SANBR: variants seen among roughly 807,000 people sequenced by gnomAD.
The protein encoded by SANBR is SANT and BTB domain regulator of class switch recombination.
A neutral mutation model predicts 101.8 loss-of-function variants in SANBR; 77 were observed. The ratio of observed to expected loss-of-function variants is 0.76; its 90% CI spans 0.63 to 0.91. SANBR has a LOEUF of 0.91. Among genes scored for constraint, SANBR ranks in the 40% least tolerant of loss-of-function variants. SANBR has a pLI of 0.00. For synonymous variants in SANBR, 279 were observed against 274.7 expected, an observed-to-expected ratio of 1.02 and a Z score of -0.15; for missense variants, 875 against 853.0, an observed-to-expected ratio of 1.03 and a Z score of -0.32.
chr2:61,109,175 A>G, intron 15 of SANBR, 22 bp from the exon 16 acceptor site: 1 of 1,191,330 alleles, frequency 8.4e-7, no homozygotes, highest in Non-Finnish European at 1.2e-6. Context: ...TTACATTTAT[A>G]ATAGATTTTT....
chr2:61,070,457 G>C lies in SANBR; in HGVS notation c.107G>C (p.Trp36Ser), dbSNP rs1681401209. ...PLIGIPQTIN[W>S]ETIARLVPGL... ...ATTGGAATCCCTCAGACTATCAACT[G>C]GGAAACTATAGCAAGGCTCGTGCCT... is the stretch of plus-strand genomic sequence containing the variant. Residue 36 changes from tryptophan to serine, a missense_variant, in exon 3 of 22, where the codon TGG (tryptophan) becomes TCG (serine). Coordinates refer to ENST00000402291, the MANE Select transcript of SANBR (RefSeq NM_001129993.3). 6.2e-7 allele frequency: 1 copy of C among 1,601,516 alleles called. No homozygotes were observed. Among genetic ancestry groups the C allele is most frequent in the African/African-American group, 1.4e-5 (1 of 73,928 alleles).
intron 19 of SANBR, 56 bp from the exon 20 acceptor site, chr2:61,117,971 TA>T (rs1295385752): frequency 3.0e-6 from 4 of 1,315,214 alleles, no homozygotes; most frequent in Middle Eastern, 1.9e-4. Flanking sequence ...TTTTGAGAAA[TA>T]AAAAGTTATA....
chr2:61,109,011 G>A (rs1228828763), intron 15 of SANBR, among the ~76,000 whole-genome samples, 186 bp from the exon 16 acceptor site: 2 of 152,090 alleles, frequency 1.3e-5, no homozygotes, highest in Non-Finnish European at 2.9e-5. Context: ...AATATATGAA[G>A]TAATGTAAGC....
chr2:61,131,087 C>G (rs895536206), intron 20 of SANBR, among the ~76,000 whole-genome samples: 2 of 152,020 alleles, frequency 1.3e-5, no homozygotes, highest in Admixed American at 1.3e-4. Context: ...AAAAACCCCA[C>G]AGCTAACATT....
intron 10 of SANBR, 123 bp downstream of exon 10, chr2:61,088,591 C>T: frequency 3.6e-6 from 2 of 562,248 alleles, no homozygotes; most frequent in Non-Finnish European, 5.7e-6. Flanking sequence ...GTGGTCTTGG[C>T]TGACTGCAAC....
chr2:61,067,517 C>T (rs890149590), intron 1 of SANBR, among the ~76,000 whole-genome samples: 2 of 152,164 alleles, frequency 1.3e-5, no homozygotes, highest in African/African-American at 2.4e-5. Flanking sequence ...ACGGGCGGAT[C>T]ACGAGGTCAG....
At chr2:61,107,569 A>G (rs1200936269) in intron 14 of SANBR, among the ~76,000 whole-genome samples, 1 of 152,206 alleles carries the variant, frequency 6.6e-6, no homozygotes, top group Non-Finnish European at 1.5e-5. Context: ...AAAGTGAAAT[A>G]TTCCCTGTGA....
chr2:61,069,935 G>A (rs940645352), intron 2 of SANBR, among the ~76,000 whole-genome samples: 29 of 152,144 alleles, frequency 1.9e-4, no homozygotes, highest in African/African-American at 6.5e-4. Flanking sequence ...CGTCTTGTGT[G>A]GAATGGAAAG....
rs1684373479 is a variant in SANBR at position 61,122,488 on chromosome 2, A to G, written c.*326A>G. 2.9e-6 allele frequency: 3 copies of G among 1,043,784 alleles called. No individual in the cohort carries two copies. Among genetic ancestry groups the G allele is most frequent in the Non-Finnish European group, 3.5e-6 (3 of 868,506 alleles). The allele number at this position is 1,043,784 out of a possible 1,614,324, so 64.7% of individuals were successfully genotyped here. On this transcript the variant is annotated 3_prime_UTR_variant, in exon 22 of 22. Transcript: ENST00000402291. ...AAAGGCCTAAACTGTCAGGTAGCCA[A>G]GTTTTTTTAAGACCTTAAAAGTTAG...
chr2:61,121,076 T>TA, intron 20 of SANBR, 109 bp from the exon 21 acceptor site: 1 of 821,046 alleles, frequency 1.2e-6, no homozygotes, highest in Non-Finnish European at 1.9e-6. Context: ...AGACTGGATT[T>TA]AAAAAATCAA....
At chr2:61,081,667 G>C (rs1682136304) in intron 7 of SANBR, among the ~76,000 whole-genome samples, 157 bp downstream of exon 7, 2 of 151,778 alleles carry the variant, frequency 1.3e-5, no homozygotes, top group South Asian at 2.1e-4. Flanking sequence ...TCTTTTTCTT[G>C]AGACAGAGTC....
rs1011382535 is a variant in SANBR at position 61,103,991 on chromosome 2, A to G, written c.1504A>G (p.Thr502Ala). The G allele has an allele frequency of 1.2e-6, 2 of 1,613,950 alleles. No homozygotes were observed. Among genetic ancestry groups the G allele is most frequent in the African/African-American group, 2.7e-5 (2 of 74,926 alleles). The change falls in exon 13 of 22, where the codon ACA (threonine) becomes GCA (alanine). Residue 502 changes from threonine to alanine, a missense_variant. Physicochemically the swap from Thr to Ala is moderately conservative, Grantham distance 58. Coordinates refer to ENST00000402291, the MANE Select transcript of SANBR (RefSeq NM_001129993.3). The stretch of plus-strand genomic sequence containing the variant: ...CATTGTTGTGCCTTTTTCAAAAGAT[A>G]CAGTTAGGTGAGGGGTGGAAAAACC... ...DVIVVPFSKD[T>A]VSDVGVGLCD...
At chr2:61,112,432 C>CT (rs895310642) in intron 16 of SANBR, among the ~76,000 whole-genome samples, 2 of 151,664 alleles carry the variant, frequency 1.3e-5, no homozygotes, top group African/African-American at 4.8e-5. Flanking sequence ...AGATCTAAGT[C>CT]TTTTTTGTCA....
intron 11 of SANBR, chr2:61,094,003 A>G: frequency 1.4e-6 from 1 of 725,466 alleles, no homozygotes; most frequent in Non-Finnish European, 1.7e-6. Flanking sequence ...CTCCCCAGTA[A>G]TTTTCCTCTG....
At chr2:61,074,004 A>G (rs1189706043) in intron 5 of SANBR, among the ~76,000 whole-genome samples, 2 of 151,942 alleles carry the variant, frequency 1.3e-5, no homozygotes, top group African/African-American at 2.4e-5. Context: ...TGTTTTGCCT[A>G]TTTTTACAAT....
intron 1 of SANBR, among the ~76,000 whole-genome samples, chr2:61,067,634 G>A (rs1187716620): frequency 6.6e-6 from 1 of 152,178 alleles, no homozygotes; most frequent in Non-Finnish European, 1.5e-5. Context: ...TACTCGGGAG[G>A]CTGAGGCAGG....
At chr2:61,083,567 A>T (rs567516770) in intron 8 of SANBR, among the ~76,000 whole-genome samples, 1,983 of 57,332 alleles carry the variant, frequency 0.035, 10 homozygotes, top group Non-Finnish European at 0.043. Flanking sequence ...CAGCTAAATT[A>T]AAAAAAAAAA....
At chr2:61,137,429 T>A (rs1403644867) in intron 21 of SANBR, 1 of 152,326 alleles carries the variant, frequency 6.6e-6, no homozygotes, top group Non-Finnish European at 1.5e-5. Flanking sequence ...ACTGTAGTTA[T>A]CTGAAGAACT....
At chr2:61,133,639 CA>C (rs1684756251) in intron 20 of SANBR, among the ~76,000 whole-genome samples, 1 of 151,966 alleles carries the variant, frequency 6.6e-6, no homozygotes, top group South Asian at 2.1e-4. Context: ...ATATGTGCTA[CA>C]ACACGGATAA....
Sources: gnomAD v4.1 joint callset for allele counts (sites outside exome capture counted in the v4.1 genomes callset) on GRCh38, gnomAD v4.1.1 for gene constraint, MANE v1.5 for transcripts, NCBI Gene and HGNC (gene_info 2026-07-23, HGNC 2026-07-21) for gene names.